The following XKR4 variants were observed in gnomAD, a reference collection of about 807,000 sequenced individuals.
XKR4 encodes XK related 4, also known as XK-related protein 4.
In XKR4, 12 loss-of-function variants were observed where a neutral mutation model predicts 53.9. That is an observed-to-expected ratio of 0.22 (90% CI 0.14 to 0.36). The LOEUF (loss-of-function observed/expected upper bound fraction) is 0.36, where lower values mean the gene tolerates loss of function less well. Ranked by LOEUF, XKR4 falls within the 10% of genes least tolerant of loss-of-function variation. The probability of loss-of-function intolerance (pLI) is 1.00; values close to 1 mark genes in which losing one functional copy is unlikely to be tolerated. For missense variants in XKR4, 799 were observed against 859.5 expected, an observed-to-expected ratio of 0.93 and a Z score of 0.88; for synonymous variants, 354 against 362.4, an observed-to-expected ratio of 0.98 and a Z score of 0.26.
rs143626107 is a variant in XKR4, at chr8:55,510,955, C to G, written c.1007-12326C>G. The stretch of plus-strand genomic sequence containing the variant: ...GTGGGCTTTCTCCCAGCCAGTCCAA[C>G]CATTAGAGCAGAGAATGCTACCCAT... On this transcript the variant is annotated intron_variant, in intron 2 of 2. Transcript: ENST00000327381. Among the ~76,000 whole-genome samples the G allele has an allele frequency of 3.7e-3, 567 of 152,286 alleles. 5 individuals carry two copies. Among genetic ancestry groups the G allele is most frequent in the African/African-American group, 0.013 (536 of 41,558 alleles).
intron 2 of XKR4, among the ~76,000 whole-genome samples, chr8:55,406,276 A>G (rs1009698265): frequency 3.9e-5 from 6 of 152,214 alleles, no homozygotes; most frequent in African/African-American, 1.4e-4. Context: ...CTTTTCTTCC[A>G]GCCTTTCCAT....
intron 2 of XKR4, among the ~76,000 whole-genome samples, chr8:55,463,031 C>A (rs1034056893): frequency 1.3e-5 from 2 of 152,188 alleles, no homozygotes; most frequent in East Asian, 3.8e-4. Flanking sequence ...TAATGCGAGA[C>A]TTTAACACCC....
intron 1 of XKR4, among the ~76,000 whole-genome samples, chr8:55,215,175 C>T (rs548858187): frequency 2.0e-5 from 3 of 151,964 alleles, no homozygotes; most frequent in East Asian, 1.9e-4. Context: ...GATCATAACT[C>T]GTCATTCATC....
intron 1 of XKR4, among the ~76,000 whole-genome samples, chr8:55,277,208 C>T (rs1449014609): frequency 2.0e-5 from 3 of 152,182 alleles, no homozygotes; most frequent in African/African-American, 7.2e-5. Context: ...ATGTGCATCT[C>T]TCAGCTATCA....
chr8:55,152,700 T>C (rs1276792131), intron 1 of XKR4, among the ~76,000 whole-genome samples: 1 of 152,148 alleles, frequency 6.6e-6, no homozygotes, highest in Non-Finnish European at 1.5e-5. Flanking sequence ...AGATAACTGA[T>C]TAAAAAGTAG....
At chr8:55,198,326 C>T (rs1358793884) in intron 1 of XKR4, among the ~76,000 whole-genome samples, 1 of 152,224 alleles carries the variant, frequency 6.6e-6, no homozygotes, top group South Asian at 2.1e-4. Flanking sequence ...TAAAACATAC[C>T]TTCCTGAATG....
At chr8:55,466,630 G>C (rs573122656) in intron 2 of XKR4, among the ~76,000 whole-genome samples, 1 of 150,504 alleles carries the variant, frequency 6.6e-6, no homozygotes, top group South Asian at 2.1e-4. Flanking sequence ...AAACTTAAAA[G>C]TATAATTAAA....
intron 2 of XKR4, among the ~76,000 whole-genome samples, chr8:55,518,320 A>G (rs1052708783): frequency 1.3e-5 from 2 of 152,072 alleles, no homozygotes; most frequent in Admixed American, 6.5e-5. Flanking sequence ...TCTTTTGAAC[A>G]CTTCACTCTC....
chr8:55,239,329 G>C (rs985332502), intron 1 of XKR4, among the ~76,000 whole-genome samples: 1 of 152,172 alleles, frequency 6.6e-6, no homozygotes, highest in African/African-American at 2.4e-5. Flanking sequence ...GAAAAGGAAG[G>C]CAACAGATCA....
intron 2 of XKR4, among the ~76,000 whole-genome samples, chr8:55,484,380 A>G (rs1380862967): frequency 2.0e-5 from 3 of 152,224 alleles, no homozygotes; most frequent in Non-Finnish European, 4.4e-5. Context: ...AGAAAACTCC[A>G]GATTAATATC....
chr8:55,442,415 A>T (rs1026615452), intron 2 of XKR4, among the ~76,000 whole-genome samples: 9 of 152,234 alleles, frequency 5.9e-5, no homozygotes, highest in African/African-American at 2.2e-4. Flanking sequence ...TTTGGAAAAC[A>T]GTTTGAAACA....
At chr8:55,512,885 A>G (rs1806650836) in intron 2 of XKR4, among the ~76,000 whole-genome samples, 2 of 151,858 alleles carry the variant, frequency 1.3e-5, no homozygotes, top group African/African-American at 4.8e-5. Context: ...GTAGGCAGAG[A>G]CTCGTTTAAG....
intron 1 of XKR4, among the ~76,000 whole-genome samples, chr8:55,334,301 T>G (rs1803423071): frequency 6.6e-6 from 1 of 152,162 alleles, no homozygotes; most frequent in Admixed American, 6.5e-5. Context: ...ATGGAAGTCC[T>G]TAGCATGTCT....
intron 2 of XKR4, among the ~76,000 whole-genome samples, chr8:55,412,463 G>A (rs933602877): frequency 1.3e-5 from 2 of 152,142 alleles, no homozygotes; most frequent in African/African-American, 2.4e-5. Context: ...AGTCAAGGCT[G>A]ACATCCAGGG....
At chr8:55,113,702 G>A (rs1212727960) in intron 1 of XKR4, among the ~76,000 whole-genome samples, 1 of 152,146 alleles carries the variant, frequency 6.6e-6, no homozygotes, top group Non-Finnish European at 1.5e-5. Context: ...CCCAATAGGT[G>A]GCATTTCATT....
chr8:55,426,801 G>A (rs2622601), intron 2 of XKR4, among the ~76,000 whole-genome samples: 82,777 of 152,060 alleles, frequency 0.54, 25,710 homozygotes, highest in African/African-American at 0.87. Flanking sequence ...ACTATGCTAA[G>A]AAGTTAAGCA....
In XKR4 at chr8:55,283,746, C is replaced by G. The variant is rs139224749; in HGVS notation, c.807-73932C>G. Reference sequence around the variant, plus strand: ...CCAAATGCACATATATTTCTCTATTCAGAATAAAGAAAACTGTAGTTTCAT... The same window carrying G: ...CCAAATGCACATATATTTCTCTATTGAGAATAAAGAAAACTGTAGTTTCAT... On this transcript the variant is annotated intron_variant, in intron 1 of 2. Coordinates refer to ENST00000327381, the MANE Select transcript of XKR4 (RefSeq NM_052898.2). 4.3e-3 allele frequency among the ~76,000 whole-genome samples: 648 copies of G among 152,256 alleles called. 9 individuals are homozygous for G. The highest frequency in any genetic ancestry group is 0.015 in the African/African-American group (603 of 41,534).
At chr8:55,289,856 GAAAGAAAGAAAGAAAGAAAGAAA>G (rs1474988573) in intron 1 of XKR4, among the ~76,000 whole-genome samples, 4 of 12,200 alleles carry the variant, frequency 3.3e-4, no homozygotes, top group Non-Finnish European at 3.0e-3. Context: ...AAGAAGGAAA[GAAAGAAAGAAAGAAAGAAAGAAA>G]GAAAGAAAGA....
rs566343201 is a variant in XKR4, at chr8:55,510,871, C to T, written c.1007-12410C>T. On this transcript the variant is annotated intron_variant, in intron 2 of 2. Transcript: ENST00000327381. ...GCAATGGCCCAGGTCCCGTGCCCTG[C>T]GATGAGAAGGGTGACTGAGAAGGCT... Among the ~76,000 whole-genome samples, 41 of 152,288 alleles carry T rather than the reference C, an allele frequency of 2.7e-4. No individual in the cohort carries two copies. In the South Asian group the frequency reaches 6.8e-3, roughly 25 times the overall value.
Sources: gnomAD v4.1 joint callset for allele counts (sites outside exome capture counted in the v4.1 genomes callset) on GRCh38, gnomAD v4.1.1 for gene constraint, MANE v1.5 for transcripts, NCBI Gene and HGNC (gene_info 2026-07-23, HGNC 2026-07-21) for gene names.